The following NCOA2 variants were observed in gnomAD, a reference collection of about 807,000 sequenced individuals.
NCOA2 encodes nuclear receptor coactivator 2, also known as class E basic helix-loop-helix protein 75.
A neutral mutation model predicts 145.1 loss-of-function variants in NCOA2; 21 were observed. The observed-to-expected ratio is 0.14, with a 90% CI of 0.10 to 0.21. The LOEUF (loss-of-function observed/expected upper bound fraction) is 0.21. Ranked by LOEUF, NCOA2 falls within the 10% of genes least tolerant of loss-of-function variation. NCOA2 has a pLI of 1.00. For synonymous variants in NCOA2, 619 were observed against 637.5 expected (o/e 0.97, Z 0.44); for missense variants, 1,472 against 1,837.6 (o/e 0.80, Z 3.64).
chr8:70,269,700 A>G (rs1165924701), intron 2 of NCOA2, among the ~76,000 whole-genome samples: 1 of 152,144 alleles, frequency 6.6e-6, no homozygotes, highest in Non-Finnish European at 1.5e-5. Flanking sequence ...ACTAAGACAA[A>G]CTAACAACTT....
intron 2 of NCOA2, among the ~76,000 whole-genome samples, chr8:70,293,963 TAAGGAA>T (rs1270739447): frequency 7.9e-4 from 121 of 152,246 alleles, no homozygotes; most frequent in African/African-American, 2.8e-3. Context: ...TTGGAAAGTC[TAAGGAA>T]GTATATAAAT....
chr8:70,443,569 A>G, the NCOA2 span, among the ~76,000 whole-genome samples: 1 of 151,894 alleles, frequency 6.6e-6, no homozygotes. Context: ...TGTCTGTAAA[A>G]TTTTGTTTAG....
At chr8:70,140,326 C>T (rs1341913981) in intron 14 of NCOA2, among the ~76,000 whole-genome samples, 1 of 152,204 alleles carries the variant, frequency 6.6e-6, no homozygotes, top group Admixed American at 6.5e-5. Context: ...TCTGTCCCTA[C>T]AGATTTGCTC....
intron 2 of NCOA2, among the ~76,000 whole-genome samples, chr8:70,289,161 A>C (rs1251050352): frequency 6.6e-6 from 1 of 152,232 alleles, no homozygotes; most frequent in African/African-American, 2.4e-5. Context: ...CTTATAACCC[A>C]GGAAACAGAA....
intron 2 of NCOA2, among the ~76,000 whole-genome samples, chr8:70,269,855 A>G (rs1824903383): frequency 6.6e-6 from 1 of 152,242 alleles, no homozygotes; most frequent in Non-Finnish European, 1.5e-5. Flanking sequence ...TTAGGTTATC[A>G]GAGATTTTAA....
rs1002781595 is a variant in NCOA2 at position 70,392,656 on chromosome 8, T to C, written c.-77+11044A>G. Among the ~76,000 whole-genome samples, 3 of 152,298 alleles carry C rather than the reference T, an allele frequency of 2.0e-5. No individual in the cohort carries two copies. The East Asian group carries it at 5.8e-4, about 29-fold the overall frequency. ...GTTAAGTGCCAACCCTGGTATACTT[T>C]CTTTGTATTTGGTTTTGTTTTATTA... On this transcript the variant is annotated intron_variant, in intron 1 of 22. Transcript: ENST00000452400.
At chr8:70,311,573 C>T (rs1805125350) in intron 1 of NCOA2, among the ~76,000 whole-genome samples, 1 of 152,170 alleles carries the variant, frequency 6.6e-6, no homozygotes, top group African/African-American at 2.4e-5. Context: ...TACCAACATT[C>T]CATTATAAAA....
chr8:70,338,727 A>C (rs374003776), intron 1 of NCOA2, among the ~76,000 whole-genome samples: 6 of 152,304 alleles, frequency 3.9e-5, no homozygotes, highest in African/African-American at 1.4e-4. Flanking sequence ...CACATCAAAA[A>C]GCTTATCCAC....
rs762333789 is a variant in NCOA2, at chr8:70,216,766, T to TAAAACAG, written c.-19-9_-19-3dup. 1.3e-6 allele frequency: 2 copies of TAAAACAG among 1,556,180 alleles called. No homozygotes were observed. Among genetic ancestry groups the TAAAACAG allele is most frequent in the East Asian group, 4.5e-5 (2 of 44,598 alleles). ...CTCATCTTGAACACATATCAGCAAC[T>TAAAACAG]AAAACAGAAAACAGAGAAGAGGAAG... On this transcript the variant is annotated splice_region_variant and splice_polypyrimidine_tract_variant and intron_variant, in intron 2 of 22. Transcript: ENST00000452400.
intron 2 of NCOA2, among the ~76,000 whole-genome samples, chr8:70,283,161 A>G (rs150474128): frequency 6.6e-6 from 1 of 152,350 alleles, no homozygotes; most frequent in African/African-American, 2.4e-5. Context: ...TCCTTGGTTT[A>G]TCCACGAAAT....
chr8:70,415,718 C>A, the NCOA2 span, among the ~76,000 whole-genome samples: 1 of 152,130 alleles, frequency 6.6e-6, no homozygotes, highest in African/African-American at 2.4e-5. Flanking sequence ...ACCTCTATAC[C>A]TTTTTGCTAA....
intron 4 of NCOA2, among the ~76,000 whole-genome samples, chr8:70,206,228 T>C (rs1818426021): frequency 6.6e-6 from 1 of 152,250 alleles, no homozygotes; most frequent in Admixed American, 6.5e-5. Context: ...TTTCTCTATC[T>C]TGGTGTTTGA....
intron 1 of NCOA2, among the ~76,000 whole-genome samples, chr8:70,335,155 A>AAACAAAAAAAAAAAAAAAAAAT (rs774576238): frequency 8.7e-6 from 1 of 115,354 alleles, no homozygotes; most frequent in East Asian, 2.7e-4. Flanking sequence ...AAAAAAAAAG[A>AAACAAAAAAAAAAAAAAAAAAT]TCTCTCCCTA....
At chr8:70,401,589 T>C (rs535334847) in intron 1 of NCOA2, among the ~76,000 whole-genome samples, 160 of 152,152 alleles carry the variant, frequency 1.1e-3, no homozygotes, top group Non-Finnish European at 1.9e-3. Context: ...AAGTTTCAAG[T>C]ACACTTTGGG....
Position 70,110,972 on chromosome 8 carries a change from G to A in NCOA2, c.*2660C>T. 9.0e-6 allele frequency: 2 copies of A among 222,706 alleles called. No homozygotes were observed. The highest frequency in any genetic ancestry group is 6.6e-5 in the East Asian group (1 of 15,074). The allele number at this position is 222,706 out of a possible 1,614,324, so 13.8% of individuals were successfully genotyped here. A position where few individuals can be genotyped will look rare whatever the true frequency, so the allele number is the denominator to read the frequency against. The stretch of plus-strand genomic sequence containing the variant: ...AAGTACTCAGTCTAACAAATTTATT[G>A]TGTACAGCATGAGAAATACTGATAA... On this transcript the variant is annotated 3_prime_UTR_variant, in exon 23 of 23. Transcript: ENST00000452400.
chr8:70,168,667 G>C (rs1813899859), intron 6 of NCOA2, among the ~76,000 whole-genome samples: 1 of 152,208 alleles, frequency 6.6e-6, no homozygotes, highest in Non-Finnish European at 1.5e-5. Context: ...AGACTACACA[G>C]AGTAGTCAAC....
At chr8:70,408,775 C>A (rs1018391470), upstream of NCOA2, among the ~76,000 whole-genome samples, 12 of 126,286 alleles carry the variant, frequency 9.5e-5, no homozygotes, top group Non-Finnish European at 1.5e-4. Flanking sequence ...CCACACCCAG[C>A]TTTTTTTTTT....
At chr8:70,403,569 C>A in intron 1 of NCOA2, 131 bp downstream of exon 1, 1 of 303,776 alleles carries the variant, frequency 3.3e-6, no homozygotes, top group East Asian at 5.1e-5. Context: ...AAAACAGCCT[C>A]TCGGAGGCGC....
chr8:70,344,779 G>T (rs993457863), intron 1 of NCOA2, among the ~76,000 whole-genome samples: 2 of 152,098 alleles, frequency 1.3e-5, no homozygotes, highest in Admixed American at 1.3e-4. Context: ...GTAAATCAAG[G>T]CCTGCTTATT....
Sources: gnomAD v4.1 joint callset for allele counts (sites outside exome capture counted in the v4.1 genomes callset) on GRCh38, gnomAD v4.1.1 for gene constraint, MANE v1.5 for transcripts, NCBI Gene and HGNC (gene_info 2026-07-23, HGNC 2026-07-21) for gene names.